The following SMYD3 variants were observed in gnomAD, a reference collection of about 807,000 sequenced individuals.
SMYD3 encodes the protein SET and MYND domain containing 3.
A neutral mutation model predicts 57.7 loss-of-function variants in SMYD3; 36 were observed. The ratio of observed to expected loss-of-function variants is 0.62; its 90% CI spans 0.48 to 0.82. The LOEUF (loss-of-function observed/expected upper bound fraction) is 0.82. SMYD3 is among the 40% of genes least tolerant of loss of function. The pLI, the probability that SMYD3 is intolerant of heterozygous loss-of-function variation, is 0.00. For missense variants in SMYD3, 515 were observed against 538.8 expected, an observed-to-expected ratio of 0.96 and a Z score of 0.44; for synonymous variants, 211 against 195.0, an observed-to-expected ratio of 1.08 and a Z score of -0.68.
At chr1:245,767,129 G>A (rs1180526370) in intron 10 of SMYD3, among the ~76,000 whole-genome samples, 1 of 151,470 alleles carries the variant, frequency 6.6e-6, no homozygotes. Flanking sequence ...ATGGTGTAGA[G>A]CAGGGATGGG....
chr1:246,093,870 T>C (rs1270971912), intron 5 of SMYD3, among the ~76,000 whole-genome samples: 1 of 152,136 alleles, frequency 6.6e-6, no homozygotes. Flanking sequence ...AACAATCCCA[T>C]TCATTGGCAG....
chr1:246,184,033 C>T (rs149818762), intron 5 of SMYD3, among the ~76,000 whole-genome samples: 82 of 152,340 alleles, frequency 5.4e-4, no homozygotes, highest in African/African-American at 1.8e-3. Context: ...CTCCACCTAT[C>T]CACGTCCCAG....
At chr1:246,048,217 C>A (rs1231260289) in intron 5 of SMYD3, among the ~76,000 whole-genome samples, 7 of 152,182 alleles carry the variant, frequency 4.6e-5, no homozygotes, top group Non-Finnish European at 1.0e-4. Context: ...ACTATTTACC[C>A]AGTAGATTGG....
chr1:245,869,272 A>T (rs2052042153), intron 8 of SMYD3, among the ~76,000 whole-genome samples: 1 of 152,226 alleles, frequency 6.6e-6, no homozygotes, highest in Non-Finnish European at 1.5e-5. Flanking sequence ...AAGCAGAAGG[A>T]TTCCTAAGAA....
intron 1 of SMYD3, among the ~76,000 whole-genome samples, chr1:246,377,310 G>A (rs946991455): frequency 6.6e-6 from 1 of 151,450 alleles, no homozygotes; most frequent in African/African-American, 2.4e-5. Flanking sequence ...CTGCAATGTA[G>A]CTTCTGGAAG....
chr1:245,782,387 AG>A (rs1323811774), intron 10 of SMYD3, among the ~76,000 whole-genome samples: 2 of 152,202 alleles, frequency 1.3e-5, no homozygotes, highest in African/African-American at 4.8e-5. Context: ...GAAAAAGATG[AG>A]GGAAGAGTAA....
At chr1:246,112,636 G>A (rs898191783) in intron 5 of SMYD3, among the ~76,000 whole-genome samples, 1 of 152,136 alleles carries the variant, frequency 6.6e-6, no homozygotes, top group Non-Finnish European at 1.5e-5. Flanking sequence ...CGTGAATAAT[G>A]TGTATTTTGA....
At chr1:245,971,358 T>C (rs146061431) in intron 5 of SMYD3, among the ~76,000 whole-genome samples, 2 of 152,224 alleles carry the variant, frequency 1.3e-5, no homozygotes, top group East Asian at 3.9e-4. Flanking sequence ...GACGGGTTGA[T>C]GGGTGCAGCA....
Position 245,786,219 on chromosome 1 carries a change from G to GGC in SMYD3, c.1077-22071_1077-22070insGC, listed in dbSNP as rs1553321386. ...AGTTGAGTTGGGGTGTGGACGGGGG[G>GGC]GGGATGGTGGCAACAGAATATTAAG... On this transcript the variant is annotated intron_variant, in intron 10 of 11. Transcript: ENST00000490107. Among the ~76,000 whole-genome samples the GGC allele has an allele frequency of 1.3e-4, 20 of 148,172 alleles. 2 individuals are homozygous for GGC. The highest frequency in any genetic ancestry group is 5.0e-4 in the African/African-American group (20 of 39,614).
At chr1:245,778,909 C>A (rs985863441) in intron 10 of SMYD3, among the ~76,000 whole-genome samples, 4 of 152,074 alleles carry the variant, frequency 2.6e-5, no homozygotes, top group Non-Finnish European at 5.9e-5. Flanking sequence ...CCTGTAATCC[C>A]AGCACTTTGG....
chr1:246,266,756 C>T (rs551699610), intron 5 of SMYD3, among the ~76,000 whole-genome samples: 5 of 151,714 alleles, frequency 3.3e-5, no homozygotes, highest in African/African-American at 1.2e-4. Flanking sequence ...GAGATTGCAC[C>T]AGTGCACTCC....
chr1:245,853,473 G>A (rs189559603), intron 10 of SMYD3, among the ~76,000 whole-genome samples: 1 of 152,158 alleles, frequency 6.6e-6, no homozygotes, highest in Non-Finnish European at 1.5e-5. Flanking sequence ...CCTGGGATGC[G>A]GGGTCAGGAA....
intron 1 of SMYD3, among the ~76,000 whole-genome samples, chr1:246,456,193 G>A (rs1252830884): frequency 3.3e-5 from 5 of 152,114 alleles, no homozygotes; most frequent in Admixed American, 3.3e-4. Flanking sequence ...TAAGCCTTCA[G>A]CTATCACCTA....
chr1:245,954,476 C>A (rs1041656209), intron 5 of SMYD3, among the ~76,000 whole-genome samples: 1 of 152,154 alleles, frequency 6.6e-6, no homozygotes, highest in Non-Finnish European at 1.5e-5. Context: ...ATGTTTGAGA[C>A]CAGCCTGGGC....
chr1:246,161,805 G>A (rs907815057), intron 5 of SMYD3, among the ~76,000 whole-genome samples: 1 of 152,172 alleles, frequency 6.6e-6, no homozygotes, highest in South Asian at 2.1e-4. Context: ...TGAATGCACA[G>A]CTCTGACTTA....
chr1:246,412,251 G>A lies in SMYD3; in HGVS notation c.165-57157C>T, dbSNP rs568994604. ...CTGAATGGCTCTTCCTGGTGTTGCC[G>A]ATGCTAATCAATGACTGAACACAGG... On this transcript the variant is annotated intron_variant, in intron 1 of 11. Transcript: ENST00000490107. Among the ~76,000 whole-genome samples, 4 of 152,262 alleles carry A rather than the reference G, an allele frequency of 2.6e-5. No individual in the cohort carries two copies. The East Asian group carries it at 5.8e-4, about 22-fold the overall frequency.
intron 5 of SMYD3, among the ~76,000 whole-genome samples, chr1:245,971,275 C>T (rs1419198049): frequency 6.6e-6 from 1 of 152,128 alleles, no homozygotes; most frequent in Non-Finnish European, 1.5e-5. Context: ...GGGAGTGGAA[C>T]ATCACACACC....
At chr1:246,110,311 T>C (rs2061211191) in intron 5 of SMYD3, among the ~76,000 whole-genome samples, 1 of 152,206 alleles carries the variant, frequency 6.6e-6, no homozygotes, top group African/African-American at 2.4e-5. Flanking sequence ...AGATGATCTC[T>C]TAAGTCCCTA....
intron 5 of SMYD3, among the ~76,000 whole-genome samples, chr1:245,965,902 A>G (rs61839380): frequency 0.12 from 18,889 of 152,102 alleles, 1,327 homozygotes; most frequent in East Asian, 0.21. Context: ...TAATGTGTCA[A>G]TGTAGGTTCA....
Sources: gnomAD v4.1 joint callset for allele counts (sites outside exome capture counted in the v4.1 genomes callset) on GRCh38, gnomAD v4.1.1 for gene constraint, MANE v1.5 for transcripts, NCBI Gene and HGNC (gene_info 2026-07-23, HGNC 2026-07-21) for gene names.